ABTB3: variants seen among roughly 807,000 people sequenced by gnomAD.
ABTB3 encodes ankyrin repeat and BTB domain containing 3.
chr12:107,333,333 C>T, the ABTB3 span, among the ~76,000 whole-genome samples: 1 of 152,152 alleles, frequency 6.6e-6, no homozygotes, highest in South Asian at 2.1e-4. Context: ...CACATTGCAC[C>T]TGCAAGTATA....
the ABTB3 span, among the ~76,000 whole-genome samples, chr12:107,381,839 G>C: frequency 6.6e-6 from 1 of 152,130 alleles, no homozygotes; most frequent in African/African-American, 2.4e-5. Context: ...TGTAAAATGG[G>C]GATGATAATA....
chr12:107,334,307 C>G, the ABTB3 span, among the ~76,000 whole-genome samples: 9 of 152,142 alleles, frequency 5.9e-5, no homozygotes, highest in Admixed American at 3.3e-4. Flanking sequence ...GTGGCCTAGC[C>G]AGGGTGGTAG....
At chr12:107,633,345 A>C in the ABTB3 span, among the ~76,000 whole-genome samples, 2 of 152,228 alleles carry the variant, frequency 1.3e-5, no homozygotes, top group Non-Finnish European at 2.9e-5. Context: ...CCTCCAGAAC[A>C]GTGAGAAATA....
chr12:107,588,345 G>A, the ABTB3 span, among the ~76,000 whole-genome samples: 1 of 152,182 alleles, frequency 6.6e-6, no homozygotes, highest in African/African-American at 2.4e-5. Context: ...TGGAATGTTG[G>A]GTTTTGTGGC....
chr12:107,504,414 C>T, the ABTB3 span, among the ~76,000 whole-genome samples: 6 of 152,246 alleles, frequency 3.9e-5, no homozygotes, highest in Non-Finnish European at 5.9e-5. Flanking sequence ...TCTGTCATTG[C>T]GTGTGGTCAG....
the ABTB3 span, among the ~76,000 whole-genome samples, chr12:107,451,971 C>A: frequency 6.6e-6 from 1 of 152,130 alleles, no homozygotes; most frequent in African/African-American, 2.4e-5. Flanking sequence ...CATCCTTCAT[C>A]CCCCATTTTG....
chr12:107,375,591 C>T, the ABTB3 span, among the ~76,000 whole-genome samples: 1 of 152,250 alleles, frequency 6.6e-6, no homozygotes. Context: ...CTACCTCTCA[C>T]TGGCTGTGGA....
chr12:107,390,920 G>A, the ABTB3 span, among the ~76,000 whole-genome samples: 1 of 152,184 alleles, frequency 6.6e-6, no homozygotes, highest in African/African-American at 2.4e-5. Flanking sequence ...GGAGGCCAAA[G>A]TGGGTGGATC....
chr12:107,386,111 C>T, the ABTB3 span, among the ~76,000 whole-genome samples: 1 of 152,316 alleles, frequency 6.6e-6, no homozygotes, highest in Admixed American at 6.5e-5. Flanking sequence ...TCTCCTGCCT[C>T]AGGGCCTTTG....
At chr12:107,627,722 C>A in the ABTB3 span, among the ~76,000 whole-genome samples, 14 of 152,190 alleles carry the variant, frequency 9.2e-5, no homozygotes, top group Non-Finnish European at 1.5e-4. Context: ...TGGGAGGAAC[C>A]TTGGAAATCA....
the ABTB3 span, among the ~76,000 whole-genome samples, chr12:107,524,023 A>G: frequency 2.0e-4 from 31 of 152,306 alleles, no homozygotes; most frequent in African/African-American, 5.3e-4. Context: ...CTCTCTTCGA[A>G]GAAAGGATTT....
At chr12:107,629,440 C>T in the ABTB3 span, among the ~76,000 whole-genome samples, 5 of 152,128 alleles carry the variant, frequency 3.3e-5, no homozygotes, top group Admixed American at 3.3e-4. Context: ...AAGAATTTTG[C>T]TTCACTCCCC....
chr12:107,569,837 G>C, the ABTB3 span, among the ~76,000 whole-genome samples: 2 of 152,220 alleles, frequency 1.3e-5, no homozygotes, highest in African/African-American at 4.8e-5. Flanking sequence ...TTAAGCAACG[G>C]TCAGAAGTCC....
At chr12:107,397,006 A>C in the ABTB3 span, among the ~76,000 whole-genome samples, 21,132 of 152,240 alleles carry the variant, frequency 0.14, 1,903 homozygotes, top group East Asian at 0.45. Flanking sequence ...ATGTGAGAGC[A>C]TTGAGTTGGC....
chr12:107,495,650 C>G, the ABTB3 span, among the ~76,000 whole-genome samples: 3 of 152,182 alleles, frequency 2.0e-5, no homozygotes, highest in Non-Finnish European at 2.9e-5. Flanking sequence ...ATGAATACCC[C>G]CTGAACTTCA....
At chr12:107,628,514 A>G in the ABTB3 span, among the ~76,000 whole-genome samples, 1 of 152,138 alleles carries the variant, frequency 6.6e-6, no homozygotes, top group African/African-American at 2.4e-5. Flanking sequence ...CAGTAATTCT[A>G]CTTTCTCTTG....
At chr12:107,328,277 T>C in the ABTB3 span, among the ~76,000 whole-genome samples, 1 of 152,202 alleles carries the variant, frequency 6.6e-6, no homozygotes, top group African/African-American at 2.4e-5. Context: ...GCTGGCCAGA[T>C]TTGAATTAGG....
At chr12:107,489,790 T>C in the ABTB3 span, among the ~76,000 whole-genome samples, 8 of 152,036 alleles carry the variant, frequency 5.3e-5, no homozygotes, top group African/African-American at 1.7e-4. Flanking sequence ...AGAGACAGGG[T>C]CTTGCTCTGT....
chr12:107,599,288 C>T, the ABTB3 span, among the ~76,000 whole-genome samples: 1 of 152,228 alleles, frequency 6.6e-6, no homozygotes, highest in African/African-American at 2.4e-5. Context: ...GATCTCACTT[C>T]ATCCTCACCA....
Sources: allele counts gnomAD v4.1 joint callset (sites outside exome capture counted in the v4.1 genomes callset), GRCh38; gene constraint gnomAD v4.1.1; transcripts MANE v1.5; gene names NCBI Gene and HGNC (gene_info 2026-07-23, HGNC 2026-07-21).